Variants in MAN1A2 observed in about 807,000 individuals in gnomAD.
MAN1A2 encodes mannosyl-oligosaccharide 1,2-alpha-mannosidase IB.
MAN1A2 carries 26 observed loss-of-function variants against 75.7 expected under a neutral mutation model. That is an observed-to-expected ratio of 0.34 (90% CI 0.25 to 0.48). MAN1A2 has a LOEUF of 0.48. Ranked by LOEUF, MAN1A2 falls within the 20% of genes least tolerant of loss-of-function variation. The probability of loss-of-function intolerance (pLI) is 0.99; values close to 1 mark genes in which losing one functional copy is unlikely to be tolerated. For synonymous variants in MAN1A2, 247 were observed against 264.6 expected (o/e 0.93, Z 0.65); for missense variants, 562 against 775.5 (o/e 0.72, Z 3.27).
intron 1 of MAN1A2, among the ~76,000 whole-genome samples, chr1:117,374,337 CT>C (rs1653074447): frequency 6.6e-6 from 1 of 152,172 alleles, no homozygotes; most frequent in African/African-American, 2.4e-5. Context: ...CCACATATTT[CT>C]TGGATAGGAA....
chr1:117,465,184 T>G (rs1649943974), intron 7 of MAN1A2, among the ~76,000 whole-genome samples: 1 of 151,938 alleles, frequency 6.6e-6, no homozygotes, highest in Admixed American at 6.6e-5. Flanking sequence ...GTTCAAAATA[T>G]AAGGAGCTTA....
intron 10 of MAN1A2, 53 bp downstream of exon 10, chr1:117,497,035 A>C: frequency 1.4e-6 from 2 of 1,439,090 alleles, no homozygotes; most frequent in Non-Finnish European, 1.9e-6. Context: ...TCTAAGTTAA[A>C]AATGTGTTCA....
At chr1:117,426,335 G>A (rs6676578) in intron 5 of MAN1A2, among the ~76,000 whole-genome samples, 119,777 of 151,876 alleles carry the variant, frequency 0.79, 47,731 homozygotes, top group African/African-American at 0.9. Context: ...GAGTAGGACT[G>A]TTTATTTTGC....
intron 1 of MAN1A2, among the ~76,000 whole-genome samples, chr1:117,387,306 T>C (rs948882504): frequency 6.7e-6 from 1 of 150,004 alleles, no homozygotes; most frequent in Admixed American, 6.7e-5. Context: ...GAATGTAAAA[T>C]GGTGTAGCTG....
chr1:117,463,077 T>C lies in MAN1A2; in HGVS notation c.1074+2465T>C, dbSNP rs372049575. On this transcript the variant is annotated intron_variant, in intron 7 of 12. Transcript: ENST00000356554. ...ATGACATAATTTTCCCTGTTCTGAC[T>C]AAATAAATAATAAAAATTAAATATT... 1.3e-4 allele frequency among the ~76,000 whole-genome samples: 19 copies of C among 151,534 alleles called. 2 individuals carry two copies. In the South Asian group the frequency reaches 3.7e-3, roughly 30 times the overall value.
At chr1:117,460,728 G>A in intron 7 of MAN1A2, 116 bp downstream of exon 7, 1 of 1,223,478 alleles carries the variant, frequency 8.2e-7, no homozygotes, top group Non-Finnish European at 1.1e-6. Flanking sequence ...TATTAGGGCT[G>A]TAGCCTTTAT....
intron 5 of MAN1A2, among the ~76,000 whole-genome samples, chr1:117,424,589 A>G (rs998711273): frequency 3.9e-5 from 6 of 152,126 alleles, no homozygotes; most frequent in African/African-American, 1.4e-4. Context: ...TGACTTGGGA[A>G]GGAGTGGGAT....
chr1:117,477,884 C>G (rs572212682), intron 8 of MAN1A2, among the ~76,000 whole-genome samples: 12 of 152,052 alleles, frequency 7.9e-5, no homozygotes, highest in African/African-American at 2.9e-4. Context: ...TTAGAAAACC[C>G]CATCGCCTCA....
intron 8 of MAN1A2, among the ~76,000 whole-genome samples, chr1:117,491,808 A>G (rs2101872087): frequency 6.6e-6 from 1 of 152,188 alleles, no homozygotes; most frequent in East Asian, 1.9e-4. Flanking sequence ...GAAGAATTTG[A>G]TTCCAGTCCT....
At chr1:117,442,934 T>C (rs1570748260) in intron 6 of MAN1A2, among the ~76,000 whole-genome samples, 2 of 152,200 alleles carry the variant, frequency 1.3e-5, no homozygotes. Context: ...TGAAATGTTT[T>C]CTTTGGACAA....
At chr1:117,368,796 C>G (rs1364964645) in intron 1 of MAN1A2, among the ~76,000 whole-genome samples, 1 of 152,044 alleles carries the variant, frequency 6.6e-6, no homozygotes, top group African/African-American at 2.4e-5. Flanking sequence ...GGTATGAAAA[C>G]TTAACCTAAA....
chr1:117,369,537 T>G (rs1318417986), intron 1 of MAN1A2, among the ~76,000 whole-genome samples: 2 of 152,316 alleles, frequency 1.3e-5, no homozygotes, highest in African/African-American at 4.8e-5. Context: ...TTTGGGAAAA[T>G]GCACTGTTTT....
chr1:117,374,144 C>T (rs1223490125), intron 1 of MAN1A2, among the ~76,000 whole-genome samples: 3 of 151,936 alleles, frequency 2.0e-5, no homozygotes, highest in South Asian at 4.2e-4. Context: ...TGCACATACT[C>T]GCACATGCAC....
intron 6 of MAN1A2, among the ~76,000 whole-genome samples, chr1:117,458,511 AG>A (rs1649691971): frequency 2.2e-5 from 2 of 90,058 alleles, no homozygotes; most frequent in South Asian, 4.3e-4. Context: ...ATATATATAT[AG>A]ATATATATAT....
intron 8 of MAN1A2, 131 bp from the exon 9 acceptor site, chr1:117,493,016 G>A (rs1650929624): frequency 1.7e-6 from 1 of 595,474 alleles, no homozygotes; most frequent in Non-Finnish European, 3.0e-6. Context: ...AAGTATGTTG[G>A]AAATAGGGTT....
intron 7 of MAN1A2, 129 bp from the exon 8 acceptor site, chr1:117,466,205 T>A (rs890555341): frequency 3.5e-6 from 2 of 579,130 alleles, no homozygotes; most frequent in African/African-American, 2.0e-5. Flanking sequence ...CCCCTGCCCC[T>A]CCAACACACA....
intron 6 of MAN1A2, among the ~76,000 whole-genome samples, chr1:117,445,890 A>ATATG (rs1649217699): frequency 1.4e-5 from 2 of 142,648 alleles, no homozygotes; most frequent in Non-Finnish European, 3.1e-5. Context: ...GTGTGTATAT[A>ATATG]TATATATATG....
intron 1 of MAN1A2, among the ~76,000 whole-genome samples, chr1:117,378,243 C>T (rs1278011708): frequency 1.3e-5 from 2 of 151,980 alleles, no homozygotes; most frequent in African/African-American, 4.8e-5. Flanking sequence ...GCTGGATTAC[C>T]CTTCTTGAGG....
At chr1:117,404,329 A>G (rs1028153629) in intron 2 of MAN1A2, among the ~76,000 whole-genome samples, 4 of 152,188 alleles carry the variant, frequency 2.6e-5, no homozygotes, top group African/African-American at 7.2e-5. Context: ...GTCTACTATT[A>G]TATAATTCGT....
Sources: gnomAD v4.1 joint callset for allele counts (sites outside exome capture counted in the v4.1 genomes callset) on GRCh38, gnomAD v4.1.1 for gene constraint, MANE v1.5 for transcripts, NCBI Gene and HGNC (gene_info 2026-07-23, HGNC 2026-07-21) for gene names.